Variants in HHAT observed in about 807,000 individuals in gnomAD.
HHAT encodes the protein hedgehog acyltransferase.
A neutral mutation model predicts 70.8 loss-of-function variants in HHAT; 47 were observed. The ratio of observed to expected loss-of-function variants is 0.66; its 90% CI spans 0.53 to 0.85. The LOEUF is 0.85. Ranked by LOEUF, HHAT falls within the 40% of genes least tolerant of loss-of-function variation. The probability of loss-of-function intolerance (pLI) is 0.00; values close to 1 mark genes in which losing one functional copy is unlikely to be tolerated. For synonymous variants in HHAT, 228 were observed against 247.6 expected, an observed-to-expected ratio of 0.92 and a Z score of 0.74; for missense variants, 609 against 604.8, an observed-to-expected ratio of 1.01 and a Z score of -0.07.
chr1:210,505,902 G>A (rs565513420), intron 8 of HHAT, among the ~76,000 whole-genome samples: 1 of 152,298 alleles, frequency 6.6e-6, no homozygotes, highest in South Asian at 2.1e-4. Flanking sequence ...GTCTGTTGCT[G>A]TTTTTATCCC....
intron 10 of HHAT, among the ~76,000 whole-genome samples, chr1:210,601,336 T>C (rs5024057): frequency 0.94 from 142,487 of 152,016 alleles, 67,438 homozygotes; most frequent in East Asian, 1. Flanking sequence ...AACCTTTTCG[T>C]TAGGGGTCAG....
Position 210,616,749 on chromosome 1 carries a change from T to C in HHAT, c.1246-6777T>C, listed in dbSNP as rs540118553. On this transcript the variant is annotated intron_variant, in intron 10 of 11. Coordinates refer to ENST00000261458, the MANE Select transcript of HHAT (RefSeq NM_018194.6). ...AATTAGAGAAACGTATGTGAATTCT[T>C]GCACTGCACTTATCGGTATATAATT... Among the ~76,000 whole-genome samples the C allele has an allele frequency of 2.0e-5, 3 of 152,356 alleles. No homozygotes were observed. In the South Asian group the frequency reaches 6.2e-4, roughly 32 times the overall value.
At chr1:210,490,192 CT>C (rs1410358810) in intron 8 of HHAT, among the ~76,000 whole-genome samples, 2 of 152,210 alleles carry the variant, frequency 1.3e-5, no homozygotes, top group Non-Finnish European at 2.9e-5. Flanking sequence ...GGCTCATAGG[CT>C]GCCAAGGCCT....
At chr1:210,637,998 C>A (rs911466005) in intron 11 of HHAT, among the ~76,000 whole-genome samples, 1 of 152,154 alleles carries the variant, frequency 6.6e-6, no homozygotes, top group Non-Finnish European at 1.5e-5. Context: ...CAATAAGATA[C>A]TACTTCACAG....
chr1:210,494,405 A>T (rs948041031), intron 8 of HHAT, among the ~76,000 whole-genome samples: 1 of 152,166 alleles, frequency 6.6e-6, no homozygotes, highest in East Asian at 1.9e-4. Flanking sequence ...ATTGGATGTC[A>T]GCGTTACAGA....
chr1:210,362,133 C>A (rs1174103963), intron 2 of HHAT, among the ~76,000 whole-genome samples: 2 of 152,152 alleles, frequency 1.3e-5, no homozygotes, highest in African/African-American at 4.8e-5. Flanking sequence ...TACTTACAAA[C>A]ATGCTCATTA....
At chr1:210,588,365 T>C (rs1660947842) in intron 10 of HHAT, 1 of 367,922 alleles carries the variant, frequency 2.7e-6, no homozygotes, top group East Asian at 4.7e-5. Context: ...GAAAATAACC[T>C]CTCAACAGAA....
At chr1:210,659,722 G>A (rs541575509) in intron 11 of HHAT, among the ~76,000 whole-genome samples, 2 of 152,264 alleles carry the variant, frequency 1.3e-5, no homozygotes, top group South Asian at 4.1e-4. Context: ...TCTCCACCAC[G>A]ATCAAGTCAG....
At chr1:210,489,549 GCCT>G (rs976198826) in intron 8 of HHAT, among the ~76,000 whole-genome samples, 5 of 152,192 alleles carry the variant, frequency 3.3e-5, no homozygotes, top group African/African-American at 1.2e-4. Context: ...TATTTTTGCA[GCCT>G]CCTCCAAGTA....
intron 1 of HHAT, among the ~76,000 whole-genome samples, chr1:210,334,178 A>ATTCTTTTTTTTTT (rs2085259304): frequency 1.0e-5 from 1 of 99,956 alleles, no homozygotes; most frequent in Non-Finnish European, 2.0e-5. Flanking sequence ...TTAGCGTGTC[A>ATTCTTTTTTTTTT]TTTTTTTTTT....
intron 6 of HHAT, among the ~76,000 whole-genome samples, chr1:210,410,442 C>CTTT (rs1415079424): frequency 4.4e-5 from 6 of 137,184 alleles, no homozygotes; most frequent in African/African-American, 1.6e-4. Context: ...GATGAAAAAC[C>CTTT]TTTTGTTTTT....
chr1:210,667,338 T>C (rs1051817282), intron 11 of HHAT, among the ~76,000 whole-genome samples: 6 of 150,612 alleles, frequency 4.0e-5, no homozygotes, highest in African/African-American at 1.2e-4. Context: ...GCCAAGATCG[T>C]GCCATTGCAC....
intron 11 of HHAT, among the ~76,000 whole-genome samples, chr1:210,668,775 AT>A (rs1013944176): frequency 6.6e-6 from 1 of 151,566 alleles, no homozygotes; most frequent in African/African-American, 2.4e-5. Context: ...TTATTTATTT[AT>A]TTTTTTTATT....
intron 11 of HHAT, among the ~76,000 whole-genome samples, chr1:210,670,845 T>G (rs1679932977): frequency 6.6e-6 from 1 of 152,162 alleles, no homozygotes; most frequent in Non-Finnish European, 1.5e-5. Context: ...ATTTGCATGC[T>G]TTTAAAAAAT....
chr1:210,611,783 G>A (rs1332823297), intron 10 of HHAT, among the ~76,000 whole-genome samples: 1 of 152,118 alleles, frequency 6.6e-6, no homozygotes, highest in Non-Finnish European at 1.5e-5. Context: ...TTTGTCTTTA[G>A]TTCTGTTTAT....
At chr1:210,493,998 A>C (rs192568928) in intron 8 of HHAT, among the ~76,000 whole-genome samples, 219 of 152,316 alleles carry the variant, frequency 1.4e-3, no homozygotes, top group Admixed American at 3.4e-3. Flanking sequence ...AGACATGCTC[A>C]ATTCTTTTGT....
intron 8 of HHAT, among the ~76,000 whole-genome samples, chr1:210,474,390 A>G (rs1307910051): frequency 1.3e-5 from 2 of 152,190 alleles, no homozygotes; most frequent in Non-Finnish European, 2.9e-5. Context: ...TTCTGGGCTC[A>G]GGTGGTCTTC....
At chr1:210,661,730 G>A (rs1393840424) in intron 11 of HHAT, among the ~76,000 whole-genome samples, 2 of 152,210 alleles carry the variant, frequency 1.3e-5, no homozygotes. Flanking sequence ...CATAAAAAAG[G>A]ATGAGTTCAT....
In HHAT at chr1:210,334,178, A is replaced by ATTTTTTTTTTTTTTTTTTT. The variant is rs3033354; in HGVS notation, c.-44+5076_-44+5094dup. Among the ~76,000 whole-genome samples the ATTTTTTTTTTTTTTTTTTT allele has an allele frequency of 4.6e-3, 460 of 99,936 alleles. 123 individuals carry two copies. The highest frequency in any genetic ancestry group is 9.7e-3 in the African/African-American group (265 of 27,332). 65.6% of individuals were successfully genotyped at this position (99,936 alleles called of 152,430 possible). On this transcript the variant is annotated intron_variant, in intron 1 of 11. Coordinates refer to ENST00000261458, the MANE Select transcript of HHAT (RefSeq NM_018194.6). ...TACTTGCTGGCCACTTTAGCGTGTC[A>ATTTTTTTTTTTTTTTTTTT]TTTTTTTTTTTTTTTTTTTTGAGAA...
Sources: allele counts gnomAD v4.1 joint callset (sites outside exome capture counted in the v4.1 genomes callset), GRCh38; gene constraint gnomAD v4.1.1; transcripts MANE v1.5; gene names NCBI Gene and HGNC (gene_info 2026-07-23, HGNC 2026-07-21).